The following SNW1 variants were observed in gnomAD, a reference collection of about 807,000 sequenced individuals.
The protein encoded by SNW1 is SNW domain containing 1.
Under a neutral mutation model 75.6 loss-of-function variants are expected in SNW1, and 9 were observed. The ratio of observed to expected loss-of-function variants is 0.12; its 90% confidence interval spans 0.07 to 0.21. SNW1 has a LOEUF of 0.21. Ranked by LOEUF, SNW1 falls within the 10% of genes least tolerant of loss-of-function variation. The pLI, the probability that SNW1 is intolerant of heterozygous loss-of-function variation, is 1.00. For synonymous variants in SNW1, 200 were observed against 219.1 expected (o/e 0.91, Z 0.77); for missense variants, 409 against 670.9 (o/e 0.61, Z 4.31).
chr14:77,729,440 A>G (rs1357346595), intron 10 of SNW1, among the ~76,000 whole-genome samples: 1 of 152,098 alleles, frequency 6.6e-6, no homozygotes, highest in South Asian at 2.1e-4. Flanking sequence ...TCTTGTTACT[A>G]TCTCTCTTAC....
chr14:77,735,941 C>T lies in SNW1; in HGVS notation c.704G>A (p.Arg235Gln). The T allele has an allele frequency of 2.5e-6, 4 of 1,612,778 alleles. No homozygotes were observed. Among genetic ancestry groups the T allele is most frequent in the Non-Finnish European group, 3.4e-6 (4 of 1,179,172 alleles). The change falls in exon 7 of 14, where the codon CGA becomes CAA. Residue 235 changes from arginine to glutamine, a missense_variant. Arg to Gln is a conservative substitution (Grantham distance 43). This residue lies in a region of SNW1 where 70 missense variants were observed against 136.7 expected (regional missense o/e 0.51). Transcript: ENST00000261531. ...TTGGACTACAGCAAAGAATACCTTT[C>T]GGCTAGGAGAATGCATGACAGGCGC... ...PPAPVMHSPS[R>Q]KMTVKEQQEW...
intron 9 of SNW1, 123 bp downstream of exon 9, chr14:77,732,362 C>G: frequency 1.5e-6 from 1 of 674,620 alleles, no homozygotes; most frequent in Non-Finnish European, 2.6e-6. Context: ...ATTTCTGACA[C>G]ACGTACCATG....
intron 3 of SNW1, among the ~76,000 whole-genome samples, chr14:77,749,443 G>C (rs970003765): frequency 6.6e-6 from 1 of 152,148 alleles, no homozygotes; most frequent in Admixed American, 6.5e-5. Context: ...ACAGAACACT[G>C]CGAGTAGGTA....
At chr14:77,746,055 T>C (rs1432187875) in intron 3 of SNW1, among the ~76,000 whole-genome samples, 1 of 152,200 alleles carries the variant, frequency 6.6e-6, no homozygotes, top group Non-Finnish European at 1.5e-5. Flanking sequence ...ATAGTATTTA[T>C]TTTATAGTGA....
chr14:77,742,979 A>G (rs1286644236), intron 3 of SNW1, among the ~76,000 whole-genome samples: 9 of 151,868 alleles, frequency 5.9e-5, no homozygotes, highest in Non-Finnish European at 1.0e-4. Context: ...TAATCCCAGC[A>G]CTTTAGGAGG....
At position 77,718,106 on chromosome 14, in the gene SNW1, C is replaced by G; in HGVS notation, c.1593G>C (p.Lys531Asn). 1.3e-6 allele frequency: 2 copies of G among 1,592,172 alleles called. No individual in the cohort carries two copies. Among genetic ancestry groups the G allele is most frequent in the Non-Finnish European group, 1.7e-6 (2 of 1,169,614 alleles). ...SRPKEHEHEG[K>N]KRRKE ...CCTGTGCCTATTCCTTCCTCCTCTT[C>G]TTGCCTTCATGCTCGTGTTCCTTGG... The change falls in exon 14 of 14, where the codon AAG becomes AAC. Residue 531 changes from lysine (K) to asparagine (N), a missense_variant. Around this residue, in one of 9 missense-constraint regions of SNW1, gnomAD observed 24 missense variants for 31.0 expected, o/e 0.77. Transcript: ENST00000261531.
Position 77,734,968 on chromosome 14 carries a change from A to T in SNW1, c.753T>A (p.Ile251=). ...TTACCTTTGCATTTTTCCAGTTAGA[A>T]ATACAAGGAGGAATCTTCCACTCTT... ...EQQEWKIPPC[I]SNWKNAKGYT... is the part of the protein sequence containing the mutation. Residue 251 remains isoleucine, a synonymous_variant, in exon 8 of 14, where the codon ATT becomes ATA. Coordinates refer to ENST00000261531, the MANE Select transcript of SNW1 (RefSeq NM_012245.3). 6.2e-7 allele frequency: 1 copy of T among 1,611,612 alleles called. No homozygotes were observed. Among genetic ancestry groups the T allele is most frequent in the Non-Finnish European group, 8.5e-7 (1 of 1,177,858 alleles).
chr14:77,723,305 CTGTAATA>C, intron 10 of SNW1, 28 bp from the exon 11 acceptor site: 1 of 1,507,640 alleles, frequency 6.6e-7, no homozygotes, highest in Non-Finnish European at 9.2e-7. Context: ...AAGTACTTCA[CTGTAATA>C]TGTATTATAT....
At chr14:77,738,305 C>T (rs917274131) in intron 5 of SNW1, among the ~76,000 whole-genome samples, 1 of 151,728 alleles carries the variant, frequency 6.6e-6, no homozygotes, top group Non-Finnish European at 1.5e-5. Flanking sequence ...TGTCCCCCAC[C>T]CCAAAAAAAA....
intron 1 of SNW1, among the ~76,000 whole-genome samples, chr14:77,759,217 C>T (rs2080866207): frequency 6.6e-6 from 1 of 152,198 alleles, no homozygotes; most frequent in Non-Finnish European, 1.5e-5. Flanking sequence ...ACGCAATACC[C>T]ATGACAGGCC....
chr14:77,734,882 T>C, intron 8 of SNW1, 65 bp downstream of exon 8: 1 of 1,046,212 alleles, frequency 9.6e-7, no homozygotes, highest in Non-Finnish European at 1.5e-6. Flanking sequence ...ATGCAGGCTG[T>C]AGTTGTTTTA....
chr14:77,726,502 G>T (rs1169681976), intron 10 of SNW1, among the ~76,000 whole-genome samples: 2 of 151,864 alleles, frequency 1.3e-5, no homozygotes, highest in African/African-American at 2.4e-5. Flanking sequence ...TCTTTGTGGC[G>T]ATCTTTCACT....
At position 77,718,444 on chromosome 14, in the gene SNW1, C is replaced by T. The variant is rs780572740; in HGVS notation, c.1335G>A (p.Gln445=). 2 of 1,613,884 alleles carry T rather than the reference C, an allele frequency of 1.2e-6. No individual in the cohort carries two copies. Among genetic ancestry groups the T allele is most frequent in the Non-Finnish European group, 1.7e-6 (2 of 1,179,800 alleles). Residue 445 remains glutamine (Q), a synonymous_variant, in exon 13 of 14, where the codon CAG becomes CAA. Coordinates refer to ENST00000261531, the MANE Select transcript of SNW1 (RefSeq NM_012245.3). The part of the protein sequence containing the change: ...QAWRGGKDMA[Q]SIYRPSKNLD... ...GATTTTTACTGGGCCTATAAATACTCTGGGCCATATCTTTACCACCTCTCC... is the reference window on the plus strand; with the variant it reads ...GATTTTTACTGGGCCTATAAATACTTTGGGCCATATCTTTACCACCTCTCC...
intron 12 of SNW1, among the ~76,000 whole-genome samples, chr14:77,719,156 C>G (rs2080516710): frequency 1.3e-5 from 2 of 152,150 alleles, no homozygotes; most frequent in Non-Finnish European, 2.9e-5. Context: ...CTGCCTAGGT[C>G]TCACAAAGTG....
At chr14:77,760,769 T>C (rs1167282401) in intron 1 of SNW1, 1 of 704,354 alleles carries the variant, frequency 1.4e-6, no homozygotes, top group African/African-American at 1.7e-5. Context: ...AATAAGCCAC[T>C]ACCGTCACCA....
intron 1 of SNW1, 132 bp downstream of exon 1, chr14:77,760,982 C>T: frequency 1.2e-6 from 2 of 1,602,616 alleles, no homozygotes; most frequent in Non-Finnish European, 1.7e-6. Context: ...AGCGGGAGGG[C>T]GTAGCCGTAG....
intron 8 of SNW1, among the ~76,000 whole-genome samples, chr14:77,734,525 G>A (rs1011039535): frequency 1.3e-5 from 2 of 152,194 alleles, no homozygotes; most frequent in Non-Finnish European, 2.9e-5. Context: ...GGATCACAAG[G>A]TCGGGAGATC....
intron 3 of SNW1, among the ~76,000 whole-genome samples, chr14:77,748,777 C>T (rs1270882208): frequency 6.6e-6 from 1 of 151,926 alleles, no homozygotes. Flanking sequence ...TTAGTAGAGA[C>T]GGGGTTTCAC....
intron 3 of SNW1, among the ~76,000 whole-genome samples, chr14:77,744,023 A>T (rs1424230550): frequency 6.6e-6 from 1 of 151,756 alleles, no homozygotes; most frequent in Non-Finnish European, 1.5e-5. Context: ...AAAAGCAACG[A>T]TCTGGCCGGG....
Sources: allele counts gnomAD v4.1 joint callset (sites outside exome capture counted in the v4.1 genomes callset), GRCh38; gene constraint gnomAD v4.1.1; regional missense constraint gnomAD v4.1.1; transcripts MANE v1.5; gene names NCBI Gene and HGNC (gene_info 2026-07-23, HGNC 2026-07-21).